Variants in MAN1C1 observed in about 807,000 individuals in gnomAD.
MAN1C1 encodes mannosidase alpha class 1C member 1, also known as mannosyl-oligosaccharide 1,2-alpha-mannosidase IC.
A neutral mutation model predicts 71.5 loss-of-function variants in MAN1C1; 49 were observed. The observed-to-expected ratio is 0.69, with a 90% CI of 0.54 to 0.87. The LOEUF is 0.87. MAN1C1 is among the 40% of genes least tolerant of loss of function. The pLI is 0.00. For synonymous variants in MAN1C1, 352 were observed against 343.7 expected (o/e 1.02, Z -0.27); for missense variants, 743 against 835.0 (o/e 0.89, Z 1.36).
At chr1:25,619,476 G>A (rs142657844) in intron 1 of MAN1C1, among the ~76,000 whole-genome samples, 1 of 152,248 alleles carries the variant, frequency 6.6e-6, no homozygotes, top group Non-Finnish European at 1.5e-5. Flanking sequence ...GGCTTAGCCA[G>A]ATTATCCCCT....
Position 25,617,793 on chromosome 1 carries a change from C to A in MAN1C1, c.-5C>A, listed in dbSNP as rs760560757. 1.3e-6 allele frequency: 2 copies of A among 1,587,530 alleles called. No individual in the cohort carries two copies. The highest frequency in any genetic ancestry group is 1.7e-6 in the Non-Finnish European group (2 of 1,170,196). On this transcript the variant is annotated 5_prime_UTR_variant, in exon 1 of 12. Coordinates refer to ENST00000374332, the MANE Select transcript of MAN1C1 (RefSeq NM_020379.4). The surrounding 1 kb of genome is among the most constrained non-coding windows in gnomAD (Gnocchi z 5.1). The stretch of plus-strand genomic sequence containing the variant: ...AGGGCTTCTGGAGCCACCGGCCGGG[C>A]CACGATGCTCATGAGGAAAGTGCCC...
At chr1:25,675,122 T>A (rs1330677669) in intron 1 of MAN1C1, among the ~76,000 whole-genome samples, 2 of 152,184 alleles carry the variant, frequency 1.3e-5, no homozygotes, top group Non-Finnish European at 2.9e-5. Context: ...GTACAGGTAG[T>A]TTTTGGTTAC....
At chr1:25,650,513 T>G (rs3767904) in intron 1 of MAN1C1, among the ~76,000 whole-genome samples, 2 of 152,068 alleles carry the variant, frequency 1.3e-5, no homozygotes, top group African/African-American at 2.4e-5. Flanking sequence ...GGGGTCCTGT[T>G]TGGGGAGCTC....
At chr1:25,708,307 CATTT>C (rs1297152101) in intron 2 of MAN1C1, among the ~76,000 whole-genome samples, 1 of 152,164 alleles carries the variant, frequency 6.6e-6, no homozygotes. Flanking sequence ...GTTGCCATGG[CATTT>C]ATAAATAGTC....
At chr1:25,739,331 G>A (rs920070784) in intron 2 of MAN1C1, among the ~76,000 whole-genome samples, 4 of 152,176 alleles carry the variant, frequency 2.6e-5, no homozygotes, top group Non-Finnish European at 5.9e-5. Context: ...ACAGCCACAT[G>A]GGTTTCTGTG....
At chr1:25,719,376 A>C (rs1043199989) in intron 2 of MAN1C1, among the ~76,000 whole-genome samples, 2 of 149,298 alleles carry the variant, frequency 1.3e-5, no homozygotes, top group African/African-American at 4.9e-5. Context: ...CCCAGCCCCA[A>C]TACTTATTAT....
intron 1 of MAN1C1, among the ~76,000 whole-genome samples, chr1:25,643,245 AATT>A (rs1410547309): frequency 8.3e-6 from 1 of 121,060 alleles, no homozygotes; most frequent in Non-Finnish European, 1.5e-5. Context: ...TTAATTAATT[AATT>A]AATTAATTTA....
At chr1:25,748,873 G>A (rs2047173866) in intron 3 of MAN1C1, among the ~76,000 whole-genome samples, 1 of 152,086 alleles carries the variant, frequency 6.6e-6, no homozygotes, top group Non-Finnish European at 1.5e-5. Context: ...GCTGAGCCTT[G>A]GGGTCTCCTC....
At chr1:25,758,866 C>T (rs1168021953) in intron 6 of MAN1C1, 157 bp downstream of exon 6, 39 of 674,344 alleles carry the variant, frequency 5.8e-5, no homozygotes, top group Non-Finnish European at 2.1e-5. Flanking sequence ...CAAATAGTAG[C>T]TACCTATACC....
At position 25,753,063 on chromosome 1, in the gene MAN1C1, C is replaced by T. The variant is rs541499135; in HGVS notation, c.835-421C>T. ...TGGGCAGGCATTGACCTTTGGAGAC[C>T]GGCCCGTCTCTGCCAGGTCTTCATC... is the stretch of plus-strand genomic sequence containing the variant. On this transcript the variant is annotated intron_variant, in intron 4 of 11. Transcript: ENST00000374332. The surrounding 1 kb of genome is among the most constrained non-coding windows in gnomAD (Gnocchi z 4.9). Among the ~76,000 whole-genome samples, 4 of 152,248 alleles carry T rather than the reference C, an allele frequency of 2.6e-5. No individual in the cohort carries two copies. In the East Asian group the frequency reaches 5.8e-4, roughly 22 times the overall value.
intron 2 of MAN1C1, among the ~76,000 whole-genome samples, chr1:25,740,067 T>C (rs553474596): frequency 1.3e-5 from 2 of 152,084 alleles, no homozygotes; most frequent in African/African-American, 4.8e-5. Context: ...GTTCTCTCCC[T>C]AGGAGCCAAC....
chr1:25,628,486 T>G (rs958621250), intron 1 of MAN1C1, among the ~76,000 whole-genome samples: 3 of 152,152 alleles, frequency 2.0e-5, no homozygotes, highest in Non-Finnish European at 4.4e-5. Context: ...TTTTGTATTT[T>G]TAATAGAGAC....
intron 8 of MAN1C1, among the ~76,000 whole-genome samples, chr1:25,772,632 T>C (rs2047569438): frequency 6.6e-6 from 1 of 152,228 alleles, no homozygotes; most frequent in Non-Finnish European, 1.5e-5. Context: ...TTCTCTAAAC[T>C]GGCTTCCCCT....
chr1:25,677,894 C>T (rs1456473259), intron 1 of MAN1C1, among the ~76,000 whole-genome samples: 3 of 141,014 alleles, frequency 2.1e-5, no homozygotes, highest in African/African-American at 5.3e-5. Context: ...TAACTTGGTC[C>T]GACCTACCCC....
intron 2 of MAN1C1, among the ~76,000 whole-genome samples, chr1:25,713,447 G>T (rs2046640007): frequency 1.3e-5 from 2 of 152,222 alleles, no homozygotes; most frequent in South Asian, 4.1e-4. Context: ...ACAGCAGCAG[G>T]CAGAGACCTA....
chr1:25,758,795 C>G (rs971853444), intron 6 of MAN1C1, 86 bp downstream of exon 6: 2 of 1,192,554 alleles, frequency 1.7e-6, no homozygotes, highest in African/African-American at 3.0e-5. Context: ...AGTGGGTCCT[C>G]CCTCATGGAT....
intron 8 of MAN1C1, chr1:25,777,633 T>C (rs2047636022): frequency 1.3e-5 from 2 of 153,462 alleles, no homozygotes; most frequent in Non-Finnish European, 2.9e-5. Context: ...GCTCTTAATT[T>C]TCTGCAGGTT....
rs879319350 is a variant in MAN1C1 at position 25,753,724 on chromosome 1, C to A, written c.929+146C>A. ...GACCCTTGGGACCACCTCTGTTGAA[C>A]CCGTTCTTTTATGATGTAGAAACTG... is the stretch of plus-strand genomic sequence containing the variant. On this transcript the variant is annotated intron_variant, in intron 5 of 11. Coordinates refer to ENST00000374332, the MANE Select transcript of MAN1C1 (RefSeq NM_020379.4). The surrounding 1 kb of genome is among the most constrained non-coding windows in gnomAD (Gnocchi z 4.9). The A allele has an allele frequency of 3.1e-6, 2 of 640,552 alleles. No individual in the cohort carries two copies. Among genetic ancestry groups the A allele is most frequent in the South Asian group, 2.0e-5 (1 of 48,824 alleles). 39.7% of individuals were successfully genotyped at this position (640,552 alleles called of 1,614,324 possible).
At position 25,617,812 on chromosome 1, in the gene MAN1C1, A is replaced by G. The variant is rs1320077922; in HGVS notation, c.15A>G (p.Lys5=). The part of the protein sequence containing the change: MLMR[K]VPGFVPASPW... ...GCCGGGCCACGATGCTCATGAGGAA[A>G]GTGCCCGGCTTCGTCCCGGCCTCCC... The change falls in exon 1 of 12, where the codon AAA becomes AAG. Residue 5 remains lysine (K), a synonymous_variant. Transcript: ENST00000374332. The surrounding 1 kb of genome is among the most constrained non-coding windows in gnomAD (Gnocchi z 5.1). 1.9e-6 allele frequency: 3 copies of G among 1,600,690 alleles called. No individual in the cohort carries two copies. Among genetic ancestry groups the G allele is most frequent in the Non-Finnish European group, 2.6e-6 (3 of 1,175,198 alleles).
Sources: gnomAD v4.1 joint callset for allele counts (sites outside exome capture counted in the v4.1 genomes callset) on GRCh38, gnomAD v4.1.1 for gene constraint, Gnocchi (gnomAD v3.1) non-coding constraint, MANE v1.5 for transcripts, NCBI Gene and HGNC (gene_info 2026-07-23, HGNC 2026-07-21) for gene names.